Variants in KCNH6 observed in about 807,000 individuals in gnomAD.
KCNH6 encodes the protein voltage-gated inwardly rectifying potassium channel KCNH6.
A neutral mutation model predicts 83.4 loss-of-function variants in KCNH6; 81 were observed. The observed-to-expected ratio is 0.97, with a 90% CI of 0.81 to 1.17. The LOEUF (loss-of-function observed/expected upper bound fraction) is 1.17. KCNH6 is among the 50% of genes most tolerant of loss of function. The pLI, the probability that KCNH6 is intolerant of heterozygous loss-of-function variation, is 0.00. For missense variants in KCNH6, 1,203 were observed against 1,290.5 expected (o/e 0.93, Z 1.04); for synonymous variants, 503 against 545.6 (o/e 0.92, Z 1.09).
chr17:63,527,090 C>T (rs540894247), intron 2 of KCNH6, among the ~76,000 whole-genome samples: 1 of 152,268 alleles, frequency 6.6e-6, no homozygotes, highest in East Asian at 1.9e-4. Context: ...CCCCAGCCTG[C>T]CTTTCCTGGG....
In KCNH6 at chr17:63,546,567, C is replaced by T. The variant is rs2033152880; in HGVS notation, c.*665C>T. ...CCAAGGCCCGGGGTTGGTCAGAACT[C>T]TTACCATGAGCCTCTGACCTGGCTG... On this transcript the variant is annotated 3_prime_UTR_variant, in exon 13 of 13. Coordinates refer to ENST00000314672, the MANE Select transcript of KCNH6 (RefSeq NM_001278919.2). The T allele has an allele frequency of 6.6e-6, 1 of 152,466 alleles. No individual in the cohort carries two copies. The highest frequency in any genetic ancestry group is 1.5e-5 in the Non-Finnish European group (1 of 68,244). The allele number at this position is 152,466 out of a possible 1,614,324, so 9.4% of individuals were successfully genotyped here.
intron 12 of KCNH6, 106 bp from the exon 13 acceptor site, chr17:63,545,503 G>T: frequency 2.5e-6 from 3 of 1,213,384 alleles, no homozygotes; most frequent in Non-Finnish European, 3.5e-6. Flanking sequence ...GGACCCTGAG[G>T]TGTGGGAAGG....
Position 63,538,037 on chromosome 17 carries a change from A to G in KCNH6, c.1502-28A>G. On this transcript the variant is annotated intron_variant, in intron 6 of 12. Coordinates refer to ENST00000314672, the MANE Select transcript of KCNH6 (RefSeq NM_001278919.2). This position sits in a 1 kb window ranked among gnomAD's most constrained non-coding sequence, Gnocchi z 4.0. ...GTGGTGTGGCCCAGTGGGGCCGCGG[A>G]GGAGCTCACTCTCCGCCCCGCCCCC... 5 of 1,606,130 alleles carry G rather than the reference A, an allele frequency of 3.1e-6. No homozygotes were observed. Among genetic ancestry groups the G allele is most frequent in the Non-Finnish European group, 4.2e-6 (5 of 1,177,252 alleles).
At chr17:63,530,621 T>G in intron 4 of KCNH6, 79 bp downstream of exon 4, 1 of 1,307,250 alleles carries the variant, frequency 7.6e-7, no homozygotes. Context: ...CCCAGGCCCT[T>G]CTGGGGCCTT....
chr17:63,538,057 G>GC lies in KCNH6; in HGVS notation c.1502-3dup. On this transcript the variant is annotated splice_polypyrimidine_tract_variant and splice_region_variant and intron_variant, in intron 6 of 12. Coordinates refer to ENST00000314672, the MANE Select transcript of KCNH6 (RefSeq NM_001278919.2). The surrounding 1 kb of genome is among the most constrained non-coding windows in gnomAD (Gnocchi z 4.0). ...CGCGGAGGAGCTCACTCTCCGCCCCGCCCCCAGCCCTGATGTACGCCAGCA... is the reference window on the plus strand; with the variant it reads ...CGCGGAGGAGCTCACTCTCCGCCCCGCCCCCCAGCCCTGATGTACGCCAGCA... 2 of 1,611,532 alleles carry GC rather than the reference G, an allele frequency of 1.2e-6. No individual in the cohort carries two copies. The highest frequency in any genetic ancestry group is 1.7e-5 in the Admixed American group (1 of 59,952).
intron 12 of KCNH6, 92 bp from the exon 13 acceptor site, chr17:63,545,517 G>A: frequency 7.5e-7 from 1 of 1,328,282 alleles, no homozygotes; most frequent in Non-Finnish European, 1.0e-6. Context: ...GGGAAGGGCA[G>A]GTACAATTTT....
In KCNH6 at chr17:63,531,603, C is replaced by T. The variant is rs78292165; in HGVS notation, c.675+1061C>T. 1.3e-4 allele frequency among the ~76,000 whole-genome samples: 20 copies of T among 152,332 alleles called. No individual in the cohort carries two copies. The East Asian group carries it at 1.7e-3, about 13-fold the overall frequency. On this transcript the variant is annotated intron_variant, in intron 4 of 12. Coordinates refer to ENST00000314672, the MANE Select transcript of KCNH6 (RefSeq NM_001278919.2). ...GGAAGACCACTCAGCACCTCACTGA[C>T]CTCAAGGATCCTGAGGAGGGTGGGA...
At chr17:63,524,431 A>T (rs1353766754) in intron 2 of KCNH6, 62 bp downstream of exon 2, 16 of 1,479,210 alleles carry the variant, frequency 1.1e-5, no homozygotes, top group Non-Finnish European at 1.5e-5. Context: ...TTGTCCAGCC[A>T]GGGTGGCCTT....
Position 63,543,580 on chromosome 17 carries a change from C to G in KCNH6, c.2153C>G (p.Ala718Gly). ...LEVTFNLRDA[A>G]GGLHSSPRQA... ...CACCCTCTTGCTTCCCATAAGGCAG[C>G]CGGGGGTCTCCACTCATCCCCCCGA... The change falls in exon 10 of 13, where the codon GCC (alanine) becomes GGC (glycine). Residue 718 changes from alanine (A) to glycine (G), a missense_variant. Ala to Gly is a moderately conservative substitution (Grantham distance 60). Transcript: ENST00000314672. 2 of 1,609,098 alleles carry G rather than the reference C, an allele frequency of 1.2e-6. No individual in the cohort carries two copies. Among genetic ancestry groups the G allele is most frequent in the Non-Finnish European group, 1.7e-6 (2 of 1,175,772 alleles).
In KCNH6 at chr17:63,533,212, A is replaced by G. The variant is rs1597986538; in HGVS notation, c.676-674A>G. Reference sequence around the variant, plus strand: ...GTCTTGGAGGCGGGGGCGGGAGGGGAGAAGGGAGAAGGGAAGGCTCTGCAG... The same window carrying G: ...GTCTTGGAGGCGGGGGCGGGAGGGGGGAAGGGAGAAGGGAAGGCTCTGCAG... On this transcript the variant is annotated intron_variant, in intron 4 of 12. Coordinates refer to ENST00000314672, the MANE Select transcript of KCNH6 (RefSeq NM_001278919.2). The surrounding 1 kb of genome is among the most constrained non-coding windows in gnomAD (Gnocchi z 4.1). Among the ~76,000 whole-genome samples the G allele has an allele frequency of 6.6e-6, 1 of 151,710 alleles. No individual in the cohort carries two copies. Among genetic ancestry groups the G allele is most frequent in the African/African-American group, 2.4e-5 (1 of 41,272 alleles).
chr17:63,530,032 C>T, intron 2 of KCNH6, 59 bp from the exon 3 acceptor site: 1 of 1,575,858 alleles, frequency 6.3e-7, no homozygotes, highest in South Asian at 1.2e-5. Context: ...CCTAGCCAGG[C>T]CACTGCAGGA....
chr17:63,531,358 G>T (rs546699820), intron 4 of KCNH6, among the ~76,000 whole-genome samples: 4 of 152,362 alleles, frequency 2.6e-5, no homozygotes, highest in South Asian at 2.1e-4. Flanking sequence ...TGGACTAAAT[G>T]GTCTCTGGGG....
At chr17:63,539,028 G>A (rs781016800) in intron 8 of KCNH6, among the ~76,000 whole-genome samples, 1 of 152,160 alleles carries the variant, frequency 6.6e-6, no homozygotes, top group Non-Finnish European at 1.5e-5. Flanking sequence ...GGAGGTGGAT[G>A]CCCTGGCTGG....
intron 2 of KCNH6, among the ~76,000 whole-genome samples, chr17:63,527,802 G>C (rs2031817452): frequency 6.6e-6 from 1 of 152,128 alleles, no homozygotes; most frequent in African/African-American, 2.4e-5. Flanking sequence ...CCTGGGGCAG[G>C]GGGAGAGAGA....
At position 63,535,931 on chromosome 17, in the gene KCNH6, C is replaced by T. The variant is rs573386663; in HGVS notation, c.1364C>T (p.Ser455Leu). The change falls in exon 6 of 13, where the codon TCG becomes TTG. Residue 455 changes from serine (S) to leucine (L), a missense_variant. Coordinates refer to ENST00000314672, the MANE Select transcript of KCNH6 (RefSeq NM_001278919.2). This position sits in a 1 kb window ranked among gnomAD's most constrained non-coding sequence, Gnocchi z 4.9. ...GKRYNGSDPA[S>L]GPSVQDKYVT... ...CGCTACAACGGCAGCGACCCAGCCT[C>T]GGGCCCCTCGGTGCAGGACAAGTAT... The T allele has an allele frequency of 7.4e-6, 12 of 1,613,984 alleles. No homozygotes were observed. Among genetic ancestry groups the T allele is most frequent in the East Asian group, 4.5e-5 (2 of 44,892 alleles).
chr17:63,536,101 A>G (rs777952442), intron 6 of KCNH6, 33 bp downstream of exon 6: 4 of 1,598,212 alleles, frequency 2.5e-6, no homozygotes, highest in Admixed American at 3.3e-5. Context: ...GCCTAACTTC[A>G]TGCTCTGGTC....
chr17:63,529,830 C>A (rs754195812), intron 2 of KCNH6, among the ~76,000 whole-genome samples: 1 of 152,200 alleles, frequency 6.6e-6, no homozygotes, highest in Non-Finnish European at 1.5e-5. Context: ...AGCTGATGGC[C>A]GAGCGTGGAC....
chr17:63,538,494 A>AGCGGCGCCG lies in KCNH6; in HGVS notation c.1789_1797dup (p.Gly597_Gly599dup), dbSNP rs1229322240. ...ACTGCTGCAGCACTGCCCAGCTTTC[A>AGCGGCGCCG]GCGGCGCCGGCAAGGGCTGCCTGCG... On this transcript the variant is annotated inframe_insertion, in exon 8 of 13. Coordinates refer to ENST00000314672, the MANE Select transcript of KCNH6 (RefSeq NM_001278919.2). The surrounding 1 kb of genome is among the most constrained non-coding windows in gnomAD (Gnocchi z 4.0). 6.2e-7 allele frequency: 1 copy of AGCGGCGCCG among 1,603,092 alleles called. No individual in the cohort carries two copies. Among genetic ancestry groups the AGCGGCGCCG allele is most frequent in the Non-Finnish European group, 8.5e-7 (1 of 1,175,454 alleles).
At chr17:63,543,505 G>C (rs2032982055) in intron 9 of KCNH6, 71 bp from the exon 10 acceptor site, 1 of 936,898 alleles carries the variant, frequency 1.1e-6, no homozygotes, top group South Asian at 1.3e-5. Context: ...CATGGGGTCA[G>C]GGCAGGGAAG....
Sources: gnomAD v4.1 joint callset for allele counts (sites outside exome capture counted in the v4.1 genomes callset) on GRCh38, gnomAD v4.1.1 for gene constraint, Gnocchi (gnomAD v3.1) non-coding constraint, MANE v1.5 for transcripts, NCBI Gene and HGNC (gene_info 2026-07-23, HGNC 2026-07-21) for gene names.